CPSF2: variants seen among roughly 807,000 people sequenced by gnomAD.
CPSF2 encodes cleavage and polyadenylation specificity factor subunit 2.
Under a neutral mutation model 84.2 loss-of-function variants are expected in CPSF2, and 51 were observed. That is an observed-to-expected ratio of 0.61 (90% CI 0.48 to 0.77). CPSF2 has a LOEUF of 0.77. Among genes scored for constraint, CPSF2 ranks in the 30% least tolerant of loss-of-function variants. The probability of loss-of-function intolerance (pLI) is 0.00; values close to 1 mark genes in which losing one functional copy is unlikely to be tolerated. For synonymous variants in CPSF2, 286 were observed against 311.9 expected, an observed-to-expected ratio of 0.92 and a Z score of 0.87; for missense variants, 641 against 929.4, an observed-to-expected ratio of 0.69 and a Z score of 4.03.
chr14:92,134,450 A>G, intron 5 of CPSF2, 95 bp downstream of exon 5: 1 of 809,554 alleles, frequency 1.2e-6, no homozygotes, highest in East Asian at 2.7e-5. Context: ...TATAGGCATT[A>G]TAGGCTGAAG....
intron 14 of CPSF2, among the ~76,000 whole-genome samples, chr14:92,160,040 GCAA>G (rs1335215998): frequency 2.6e-5 from 4 of 152,014 alleles, no homozygotes; most frequent in East Asian, 1.9e-4. Context: ...TTGTCTCACT[GCAA>G]CCTCCGCCTC....
At chr14:92,144,188 C>G (rs1191711273) in intron 9 of CPSF2, among the ~76,000 whole-genome samples, 1 of 152,180 alleles carries the variant, frequency 6.6e-6, no homozygotes, top group Non-Finnish European at 1.5e-5. Context: ...CATCATTTGA[C>G]CCTGATTCAC....
rs1280582895 is a variant in CPSF2, at chr14:92,161,870, T to A, written c.*126T>A. On this transcript the variant is annotated 3_prime_UTR_variant, in exon 16 of 16. Coordinates refer to ENST00000298875, the MANE Select transcript of CPSF2 (RefSeq NM_017437.3). ...AATCTGCCAGAAAAACTTACATGTA[T>A]CAGATTTTTAAAAATATAAATAGAG... 1.7e-6 allele frequency: 1 copy of A among 594,300 alleles called. No homozygotes were observed. Among genetic ancestry groups the A allele is most frequent in the Non-Finnish European group, 2.9e-6 (1 of 348,094 alleles). 36.8% of individuals were successfully genotyped at this position (594,300 alleles called of 1,614,324 possible).
intron 9 of CPSF2, among the ~76,000 whole-genome samples, chr14:92,152,197 T>C (rs933268563): frequency 7.9e-5 from 12 of 152,200 alleles, no homozygotes; most frequent in African/African-American, 2.9e-4. Flanking sequence ...TGGTGCCATC[T>C]CGGCTCACTG....
At chr14:92,127,938 G>T (rs1214175831) in intron 2 of CPSF2, among the ~76,000 whole-genome samples, 1 of 152,206 alleles carries the variant, frequency 6.6e-6, no homozygotes, top group Non-Finnish European at 1.5e-5. Context: ...GGTGGAGGGA[G>T]GGATGGGTGA....
Position 92,159,292 on chromosome 14 carries a change from G to A in CPSF2, c.2121+10G>A, listed in dbSNP as rs374256740. On this transcript the variant is annotated intron_variant, in intron 14 of 15. Transcript: ENST00000298875. ...CTTGCCACCTCATGAGGTAAAAAAA[G>A]CATGTGCTTTTTTGATTTCTTCCTG... The A allele has an allele frequency of 1.2e-5, 18 of 1,558,316 alleles. No individual in the cohort carries two copies. The East Asian group carries it at 2.5e-4, about 22-fold the overall frequency.
chr14:92,134,104 C>A lies in CPSF2; in HGVS notation c.243C>A (p.Asn81Lys). ...LPYAVGKLGLNCAIYATIPVY... is the reference protein window; with the variant it reads ...LPYAVGKLGLKCAIYATIPVY... ...ATGCTGTCGGAAAGTTGGGTCTGAA[C>A]TGTGCTATCTATGCAACCATTCCTG... The change falls in exon 4 of 16, where the codon AAC becomes AAA. Residue 81 changes from asparagine to lysine, a missense_variant. This residue lies in a region of CPSF2 where 211 missense variants were observed against 375.7 expected (regional missense o/e 0.56). Coordinates refer to ENST00000298875, the MANE Select transcript of CPSF2 (RefSeq NM_017437.3). 1 of 1,614,192 alleles carries A rather than the reference C, an allele frequency of 6.2e-7. No homozygotes were observed. The highest frequency in any genetic ancestry group is 8.5e-7 in the Non-Finnish European group (1 of 1,179,994).
rs1222704453 is a variant in CPSF2, at chr14:92,164,822, T to G, written c.*3078T>G. On this transcript the variant is annotated 3_prime_UTR_variant, in exon 16 of 16. Transcript: ENST00000298875. ...AGTTCACTCTTCTAAAGTGTACAAT[T>G]CATTGGTGTTAGTATATTTACAGAG... 1 of 152,180 alleles carries G rather than the reference T, an allele frequency of 6.6e-6. No homozygotes were observed. The highest frequency in any genetic ancestry group is 6.5e-5 in the Admixed American group (1 of 15,280). 9.4% of individuals were successfully genotyped at this position (152,180 alleles called of 1,614,324 possible). A position where few individuals can be genotyped will look rare whatever the true frequency, so the allele number is the denominator to read the frequency against.
chr14:92,143,228 A>G lies in CPSF2; in HGVS notation c.1074A>G (p.Arg358=). 2.5e-6 allele frequency: 4 copies of G among 1,613,598 alleles called. No homozygotes were observed. The highest frequency in any genetic ancestry group is 3.4e-6 in the Non-Finnish European group (4 of 1,179,530). The change falls in exon 9 of 16, where the codon AGA becomes AGG. Residue 358 remains arginine, a synonymous_variant. Transcript: ENST00000298875. The part of the protein sequence containing the change: ...DPKNSIILTY[R]TTPGTLARFL... ...AAAACTCAATCATTCTAACCTACAG[A>G]ACTACTCCTGGGACTTTAGCACGTT...
At chr14:92,127,583 G>A (rs1050761528) in intron 2 of CPSF2, among the ~76,000 whole-genome samples, 3 of 152,214 alleles carry the variant, frequency 2.0e-5, no homozygotes, top group Admixed American at 6.5e-5. Context: ...CAAAAATGAT[G>A]TAGTGGTTGT....
Position 92,171,158 on chromosome 14 carries a change from G to T in CPSF2, c.*9414G>T, listed in dbSNP as rs2069512392. The T allele has an allele frequency of 6.6e-6, 1 of 151,990 alleles. No homozygotes were observed. Among genetic ancestry groups the T allele is most frequent in the Admixed American group, 6.6e-5 (1 of 15,238 alleles). 9.4% of individuals were successfully genotyped at this position (151,990 alleles called of 1,614,324 possible). ...TTCTTTTCTTTTGAGACAGTGTCTT[G>T]CTCTGTTGCCCAGGCTACAGTGCAG... On this transcript the variant is annotated 3_prime_UTR_variant, in exon 16 of 16. Transcript: ENST00000298875.
In CPSF2 at chr14:92,156,614, A is replaced by T. The variant is rs749571859; in HGVS notation, c.1578A>T (p.Thr526=). 6.3e-7 allele frequency: 1 copy of T among 1,588,236 alleles called. No homozygotes were observed. Among genetic ancestry groups the T allele is most frequent in the East Asian group, 2.2e-5 (1 of 44,522 alleles). The part of the protein sequence containing the change: ...SDVPTKCIST[T]ESIEIKARVT... ...TTCCTACTAAATGTATTTCTACAAC[A>T]GAGTCTATTGAAATAAAGTAAGTGC... The change falls in exon 12 of 16, where the codon ACA becomes ACT. Residue 526 remains threonine (T), a synonymous_variant. Coordinates refer to ENST00000298875, the MANE Select transcript of CPSF2 (RefSeq NM_017437.3).
chr14:92,143,461 G>A (rs572656040), intron 9 of CPSF2, among the ~76,000 whole-genome samples, 167 bp downstream of exon 9: 1 of 152,054 alleles, frequency 6.6e-6, no homozygotes, highest in Non-Finnish European at 1.5e-5. Flanking sequence ...CCAGCTACTC[G>A]GGAGGCTGAG....
chr14:92,128,935 G>T lies in CPSF2; in HGVS notation c.-34-2016G>T, dbSNP rs139268777. Among the ~76,000 whole-genome samples the T allele has an allele frequency of 3.7e-3, 560 of 152,264 alleles. 5 individuals are homozygous for T. The highest frequency in any genetic ancestry group is 6.9e-3 in the Admixed American group (106 of 15,290). ...AGGTCAGTATTGAAGTTACTGAGAG[G>T]AACAACGGGTCATGTAAAAGTCCTC... On this transcript the variant is annotated intron_variant, in intron 2 of 15. Transcript: ENST00000298875.
chr14:92,158,270 A>G (rs1412660282), intron 13 of CPSF2, among the ~76,000 whole-genome samples: 1 of 152,154 alleles, frequency 6.6e-6, no homozygotes, highest in Non-Finnish European at 1.5e-5. Flanking sequence ...GGTGAGGAAA[A>G]TGATTAAGAA....
intron 3 of CPSF2, among the ~76,000 whole-genome samples, chr14:92,132,396 A>C (rs560071878): frequency 6.6e-6 from 1 of 151,748 alleles, no homozygotes; most frequent in East Asian, 2.0e-4. Flanking sequence ...CGGCCTCCCA[A>C]AGTGCTGGGA....
At chr14:92,160,365 A>G (rs144185688) in intron 14 of CPSF2, among the ~76,000 whole-genome samples, 358 of 152,362 alleles carry the variant, frequency 2.3e-3, no homozygotes, top group Non-Finnish European at 1.8e-3. Context: ...TCTAGCATTT[A>G]CATATTCTTG....
At chr14:92,123,834 G>T (rs1375532940) in intron 1 of CPSF2, among the ~76,000 whole-genome samples, 2 of 152,204 alleles carry the variant, frequency 1.3e-5, no homozygotes, top group Non-Finnish European at 2.9e-5. Context: ...CATTTATGCT[G>T]CCTTGACCAC....
chr14:92,123,104 C>G (rs552674390), intron 1 of CPSF2, among the ~76,000 whole-genome samples: 1 of 152,220 alleles, frequency 6.6e-6, no homozygotes, highest in South Asian at 2.1e-4. Context: ...CTTAGTTCAC[C>G]TTAGTTGTCA....
Sources: allele counts gnomAD v4.1 joint callset (sites outside exome capture counted in the v4.1 genomes callset), GRCh38; gene constraint gnomAD v4.1.1; regional missense constraint gnomAD v4.1.1; transcripts MANE v1.5; gene names NCBI Gene and HGNC (gene_info 2026-07-23, HGNC 2026-07-21).